Variants in SHANK2 observed in about 807,000 individuals in gnomAD.
The protein encoded by SHANK2 is SH3 and multiple ankyrin repeat domains protein 2.
Under a neutral mutation model 133.7 loss-of-function variants are expected in SHANK2, and 43 were observed. That is an observed-to-expected ratio of 0.32 (90% confidence interval 0.25 to 0.41). The LOEUF is 0.41. Among genes scored for constraint, SHANK2 ranks in the 10% least tolerant of loss-of-function variants. The pLI, the probability that SHANK2 is intolerant of heterozygous loss-of-function variation, is 1.00. For missense variants in SHANK2, 1,994 were observed against 2,235.8 expected, an observed-to-expected ratio of 0.89 and a Z score of 2.18; for synonymous variants, 1,017 against 952.8, an observed-to-expected ratio of 1.07 and a Z score of -1.24.
chr11:70,724,684 G>A (rs189282563), intron 14 of SHANK2, among the ~76,000 whole-genome samples: 1 of 152,348 alleles, frequency 6.6e-6, no homozygotes, highest in African/African-American at 2.4e-5. Flanking sequence ...CGCCAACCAC[G>A]TCCTGTGGAG....
chr11:70,864,315 A>C (rs1278351309), intron 11 of SHANK2: 1 of 159,792 alleles, frequency 6.3e-6, no homozygotes, highest in African/African-American at 2.4e-5. Context: ...CCAGGGCAAA[A>C]GAAAGGAGAG....
chr11:70,519,306 T>A (rs781931055), intron 17 of SHANK2, among the ~76,000 whole-genome samples: 1 of 152,192 alleles, frequency 6.6e-6, no homozygotes, highest in Non-Finnish European at 1.5e-5. Flanking sequence ...TACTCGCCTT[T>A]CATCAGTTTT....
At chr11:70,697,555 A>G (rs1263818939) in intron 15 of SHANK2, among the ~76,000 whole-genome samples, 2 of 152,256 alleles carry the variant, frequency 1.3e-5, no homozygotes, top group African/African-American at 4.8e-5. Context: ...TGGTTGCCCA[A>G]TATCGTAAAC....
intron 17 of SHANK2, among the ~76,000 whole-genome samples, chr11:70,615,050 A>C (rs75726802): frequency 0.071 from 10,751 of 152,322 alleles, 476 homozygotes; most frequent in South Asian, 0.082. Context: ...CACAGAACCC[A>C]TTCGTGGACA....
intron 17 of SHANK2, among the ~76,000 whole-genome samples, chr11:70,630,373 G>A (rs521785): frequency 0.34 from 51,077 of 152,142 alleles, 8,599 homozygotes; most frequent in Middle Eastern, 0.45. Context: ...GGCTGCCCAG[G>A]CAGAGGCGGG....
chr11:71,090,471 G>T (rs1374626796), intron 8 of SHANK2, among the ~76,000 whole-genome samples: 1 of 94,482 alleles, frequency 1.1e-5, no homozygotes, highest in East Asian at 3.0e-4. Flanking sequence ...GTGTGTGTGT[G>T]TGTGTGTGTG....
chr11:70,669,792 G>T (rs1053479417), intron 15 of SHANK2: 1 of 152,276 alleles, frequency 6.6e-6, no homozygotes, highest in East Asian at 1.9e-4. Context: ...ACTTCATTGC[G>T]TGTAGAACCA....
At chr11:71,239,287 G>A (rs1211395190) in intron 1 of SHANK2, among the ~76,000 whole-genome samples, 8 of 152,204 alleles carry the variant, frequency 5.3e-5, no homozygotes, top group Non-Finnish European at 1.0e-4. Context: ...CTCCCAGAGA[G>A]CAACTGGTGA....
chr11:70,607,509 C>A (rs1404364391), intron 17 of SHANK2, among the ~76,000 whole-genome samples: 2 of 152,254 alleles, frequency 1.3e-5, no homozygotes, highest in African/African-American at 4.8e-5. Flanking sequence ...GTGCCCAGCA[C>A]CTGCACGCAC....
intron 8 of SHANK2, among the ~76,000 whole-genome samples, chr11:71,078,198 C>A (rs1314241347): frequency 1.3e-5 from 2 of 150,640 alleles, no homozygotes; most frequent in African/African-American, 4.9e-5. Context: ...ATCAATGGGG[C>A]TGTGTCCCAA....
chr11:71,131,246 G>C (rs75479545), intron 3 of SHANK2, among the ~76,000 whole-genome samples: 1 of 152,154 alleles, frequency 6.6e-6, no homozygotes, highest in Non-Finnish European at 1.5e-5. Context: ...GCTGGTGCTC[G>C]TGGTGGCAAA....
chr11:70,761,918 G>GGCT (rs200155164), intron 14 of SHANK2, among the ~76,000 whole-genome samples: 20,183 of 151,856 alleles, frequency 0.13, 1,781 homozygotes, highest in South Asian at 0.28. Flanking sequence ...GCAAGTTCCC[G>GGCT]GCTGCTGCTG....
Position 70,799,326 on chromosome 11 carries a change from C to T in SHANK2, c.1664-770G>A, listed in dbSNP as rs531188243. 2.2e-4 allele frequency among the ~76,000 whole-genome samples: 34 copies of T among 152,038 alleles called. No homozygotes were observed. The East Asian group carries it at 3.1e-3, about 14-fold the overall frequency. ...CTGAGGCAGGAGAATCACTTGAACC[C>T]GGAAGATGGAAGTTGCAGTGAGCCA... On this transcript the variant is annotated intron_variant, in intron 13 of 25. Coordinates refer to ENST00000601538, the MANE Select transcript of SHANK2 (RefSeq NM_012309.5).
rs540328064 is a variant in SHANK2, at chr11:70,702,209, TATC to T, written c.1778-3449_1778-3447del. 5.4e-4 allele frequency among the ~76,000 whole-genome samples: 74 copies of T among 136,194 alleles called. 1 individual carries two copies. The highest frequency in any genetic ancestry group is 2.4e-3 in the South Asian group (10 of 4,114). The allele number at this position is 136,194 out of a possible 152,430, so 89.3% of individuals were successfully genotyped here. On this transcript the variant is annotated intron_variant, in intron 14 of 25. Coordinates refer to ENST00000601538, the MANE Select transcript of SHANK2 (RefSeq NM_012309.5). ...CCATCACCACCACCATCATCACCACTATCATCATCATCATTACCACCACCAGCG... is the reference window on the plus strand; with the variant it reads ...CCATCACCACCACCATCATCACCACTATCATCATCATTACCACCACCAGCG...
intron 17 of SHANK2, among the ~76,000 whole-genome samples, chr11:70,566,193 T>A (rs1297638046): frequency 1.3e-5 from 2 of 152,032 alleles, no homozygotes; most frequent in Non-Finnish European, 2.9e-5. Context: ...TCCCACTGGG[T>A]CCCTCCCACA....
In SHANK2 at chr11:70,599,775, G is replaced by A. The variant is rs111331545; in HGVS notation, c.2061+60053C>T. On this transcript the variant is annotated intron_variant, in intron 17 of 25. Coordinates refer to ENST00000601538, the MANE Select transcript of SHANK2 (RefSeq NM_012309.5). ...CCATTGCACTCCAGCCCGGGTTACA[G>A]TGTGAGATTCTGAAAGAAGAAAAGA... Among the ~76,000 whole-genome samples the A allele has an allele frequency of 9.0e-3, 1,343 of 149,162 alleles. 20 individuals are homozygous for A. The highest frequency in any genetic ancestry group is 0.032 in the African/African-American group (1,289 of 39,668).
chr11:71,250,736 T>C (rs943414936), intron 1 of SHANK2, among the ~76,000 whole-genome samples: 1 of 152,146 alleles, frequency 6.6e-6, no homozygotes, highest in Non-Finnish European at 1.5e-5. Flanking sequence ...AACTATGTGA[T>C]GCGGACCGCA....
At chr11:70,936,460 C>T (rs536981920) in intron 10 of SHANK2, among the ~76,000 whole-genome samples, 10 of 152,052 alleles carry the variant, frequency 6.6e-5, no homozygotes, top group South Asian at 2.1e-4. Flanking sequence ...TGCAGTGAGC[C>T]GAGATCACCC....
intron 11 of SHANK2, chr11:70,826,901 G>C (rs967180102): frequency 5.1e-6 from 1 of 195,294 alleles, no homozygotes; most frequent in African/African-American, 2.3e-5. Flanking sequence ...GAGTGAGCTC[G>C]AGCCCCAGTT....
Sources: gnomAD v4.1 joint callset for allele counts (sites outside exome capture counted in the v4.1 genomes callset) on GRCh38, gnomAD v4.1.1 for gene constraint, MANE v1.5 for transcripts, NCBI Gene and HGNC (gene_info 2026-07-23, HGNC 2026-07-21) for gene names.